Variants in ITGA8 observed in about 807,000 individuals in gnomAD.
ITGA8 encodes the protein integrin subunit alpha 8.
ITGA8 carries 91 observed loss-of-function variants against 142.3 expected under a neutral mutation model. The observed-to-expected ratio is 0.64, with a 90% confidence interval of 0.54 to 0.76. ITGA8 has a LOEUF of 0.76. Among genes scored for constraint, ITGA8 ranks in the 30% least tolerant of loss-of-function variants. ITGA8 has a pLI of 0.00. For missense variants in ITGA8, 1,406 were observed against 1,327.7 expected, an observed-to-expected ratio of 1.06 and a Z score of -0.92; for synonymous variants, 505 against 485.2, an observed-to-expected ratio of 1.04 and a Z score of -0.54.
intron 28 of ITGA8, among the ~76,000 whole-genome samples, chr10:15,522,709 T>C (rs145344787): frequency 6.6e-6 from 1 of 152,316 alleles, no homozygotes; most frequent in Admixed American, 6.5e-5. Flanking sequence ...CCTCTCCTGG[T>C]TTACCTAATT....
chr10:15,576,612 C>A (rs1269603483), intron 23 of ITGA8, among the ~76,000 whole-genome samples: 1 of 152,126 alleles, frequency 6.6e-6, no homozygotes, highest in Non-Finnish European at 1.5e-5. Flanking sequence ...CTGGCAACTT[C>A]AAATGTTAGC....
intron 7 of ITGA8, among the ~76,000 whole-genome samples, chr10:15,672,391 T>C (rs1177459108): frequency 6.6e-6 from 1 of 152,194 alleles, no homozygotes; most frequent in African/African-American, 2.4e-5. Flanking sequence ...AAATAGTTCA[T>C]GTGCAAAAAA....
intron 28 of ITGA8, among the ~76,000 whole-genome samples, chr10:15,520,920 T>C (rs1031927801): frequency 2.0e-5 from 3 of 152,168 alleles, no homozygotes; most frequent in African/African-American, 7.2e-5. Context: ...GGCTCTGAGA[T>C]TTGCCCTAGC....
At chr10:15,664,793 T>G (rs1247815600) in intron 8 of ITGA8, among the ~76,000 whole-genome samples, 1 of 152,000 alleles carries the variant, frequency 6.6e-6, no homozygotes. Flanking sequence ...TGTGATAGTT[T>G]GCTGAGAATG....
chr10:15,534,429 C>G (rs1224643326), intron 27 of ITGA8, among the ~76,000 whole-genome samples: 2 of 152,208 alleles, frequency 1.3e-5, no homozygotes, highest in Non-Finnish European at 2.9e-5. Flanking sequence ...AATATAATGT[C>G]TATATCTTCT....
intron 27 of ITGA8, among the ~76,000 whole-genome samples, chr10:15,543,885 A>G (rs764330764): frequency 1.3e-5 from 2 of 152,184 alleles, no homozygotes; most frequent in Non-Finnish European, 2.9e-5. Flanking sequence ...GCGTCCTTAT[A>G]AGAAACAGAA....
rs9333230 is a variant in ITGA8, at chr10:15,548,353, A to G, written c.2880+102T>C. 0.015 allele frequency: 12,207 copies of G among 788,164 alleles called. 1,041 individuals are homozygous for G. In the African/African-American group the frequency reaches 0.19, roughly 12 times the overall value. The allele number at this position is 788,164 out of a possible 1,614,324, so 48.8% of individuals were successfully genotyped here. A position where few individuals can be genotyped will look rare whatever the true frequency, so the allele number is the denominator to read the frequency against. Reference sequence around the variant, plus strand: ...AGTAATCCATCTGCCTCGGACTTCCACAGTGTTAAATTAGAAATCGCTATG... The same window carrying G: ...AGTAATCCATCTGCCTCGGACTTCCGCAGTGTTAAATTAGAAATCGCTATG... On this transcript the variant is annotated intron_variant, in intron 27 of 29. Transcript: ENST00000378076.
At chr10:15,611,812 A>C (rs7478616) in intron 15 of ITGA8, among the ~76,000 whole-genome samples, 3 of 120,294 alleles carry the variant, frequency 2.5e-5, no homozygotes, top group Non-Finnish European at 3.7e-5. Context: ...TAAAAAAAAA[A>C]AAAAAAAACC....
chr10:15,675,888 C>T (rs1283094638), intron 6 of ITGA8, among the ~76,000 whole-genome samples: 1 of 152,102 alleles, frequency 6.6e-6, no homozygotes, highest in African/African-American at 2.4e-5. Context: ...CAGACAAATG[C>T]TTGTATATGC....
intron 2 of ITGA8, among the ~76,000 whole-genome samples, chr10:15,704,072 A>G (rs990324192): frequency 2.0e-5 from 3 of 152,194 alleles, no homozygotes; most frequent in African/African-American, 7.2e-5. Context: ...CTTGGAATGC[A>G]TCCTTGACGA....
intron 27 of ITGA8, among the ~76,000 whole-genome samples, chr10:15,541,611 G>A (rs1833570884): frequency 6.6e-6 from 1 of 152,196 alleles, no homozygotes; most frequent in Admixed American, 6.5e-5. Flanking sequence ...GGCCTGAGAT[G>A]TTTCATTCAT....
At chr10:15,659,107 C>T in intron 9 of ITGA8, 52 bp from the exon 10 acceptor site, 1 of 1,284,386 alleles carries the variant, frequency 7.8e-7, no homozygotes, top group Non-Finnish European at 1.1e-6. Context: ...GAATTGGAGC[C>T]TTTTTTAAAA....
chr10:15,616,309 T>C (rs1030234260), intron 14 of ITGA8, among the ~76,000 whole-genome samples: 1 of 152,180 alleles, frequency 6.6e-6, no homozygotes, highest in East Asian at 1.9e-4. Flanking sequence ...GTTATGTTCA[T>C]AAAATCTGGA....
chr10:15,677,255 T>C (rs999402860), intron 6 of ITGA8, among the ~76,000 whole-genome samples: 1 of 152,152 alleles, frequency 6.6e-6, no homozygotes, highest in Non-Finnish European at 1.5e-5. Flanking sequence ...TAACAACAAT[T>C]TATCTCATAT....
At chr10:15,718,691 C>T in intron 2 of ITGA8, 75 bp downstream of exon 2, 3 of 1,568,496 alleles carry the variant, frequency 1.9e-6, no homozygotes, top group Non-Finnish European at 2.6e-6. Context: ...ACCAAGACAG[C>T]GGGAAGTCGC....
intron 25 of ITGA8, among the ~76,000 whole-genome samples, chr10:15,560,523 C>A (rs543945848): frequency 1.3e-5 from 2 of 152,216 alleles, no homozygotes; most frequent in South Asian, 2.1e-4. Context: ...ATGTTTGTAG[C>A]AACACTATTT....
At chr10:15,674,988 T>A (rs958347221) in intron 6 of ITGA8, among the ~76,000 whole-genome samples, 3 of 152,040 alleles carry the variant, frequency 2.0e-5, no homozygotes, top group Non-Finnish European at 4.4e-5. Context: ...TCTCAATGAC[T>A]TTTAAACATG....
intron 28 of ITGA8, among the ~76,000 whole-genome samples, chr10:15,520,472 T>C (rs968788466): frequency 1.1e-4 from 17 of 152,142 alleles, no homozygotes; most frequent in Non-Finnish European, 2.1e-4. Context: ...CTGGAGCCCA[T>C]TTCATCCCGC....
At chr10:15,686,357 A>G (rs1237276450) in intron 3 of ITGA8, among the ~76,000 whole-genome samples, 2 of 152,240 alleles carry the variant, frequency 1.3e-5, no homozygotes, top group African/African-American at 2.4e-5. Context: ...TAAATTCAGC[A>G]TAAGGTGCAG....
Sources: allele counts gnomAD v4.1 joint callset (sites outside exome capture counted in the v4.1 genomes callset), GRCh38; gene constraint gnomAD v4.1.1; transcripts MANE v1.5; gene names NCBI Gene and HGNC (gene_info 2026-07-23, HGNC 2026-07-21).